MGAM2: variants seen among roughly 807,000 people sequenced by gnomAD.
The protein encoded by MGAM2 is maltase-glucoamylase 2 (putative), also known as probable maltase-glucoamylase 2.
In MGAM2, 98 loss-of-function variants were observed where a neutral mutation model predicts 96.1. That is an observed-to-expected ratio of 1.02 (90% CI 0.87 to 1.21). MGAM2 has a LOEUF of 1.21. Ranked by LOEUF, MGAM2 falls within the 50% of genes most tolerant of loss-of-function variation. The pLI is 0.00. For synonymous variants in MGAM2, 749 were observed against 414.8 expected, an observed-to-expected ratio of 1.81 and a Z score of -9.79; for missense variants, 2,055 against 1,182.4, an observed-to-expected ratio of 1.74 and a Z score of -10.82.
chr7:142,163,185 A>T (rs1795939630), intron 23 of MGAM2, among the ~76,000 whole-genome samples: 1 of 152,230 alleles, frequency 6.6e-6, no homozygotes, highest in Admixed American at 6.5e-5. Flanking sequence ...CTTGATTAAT[A>T]GTATCTGGGA....
intron 46 of MGAM2, among the ~76,000 whole-genome samples, chr7:142,212,514 C>T (rs1425349554): frequency 6.6e-6 from 1 of 151,986 alleles, no homozygotes; most frequent in Non-Finnish European, 1.5e-5. Context: ...GAAGATTTGC[C>T]CATCAAATGG....
intron 22 of MGAM2, 107 bp from the exon 23 acceptor site, chr7:142,161,848 C>A: frequency 1.9e-6 from 1 of 521,198 alleles, no homozygotes; most frequent in Non-Finnish European, 3.4e-6. Flanking sequence ...CTCAGATGAG[C>A]AGAACTAGAT....
chr7:142,200,056 C>T (rs1233452200), intron 45 of MGAM2, 88 bp downstream of exon 45: 1 of 522,766 alleles, frequency 1.9e-6, no homozygotes, highest in South Asian at 3.1e-5. Flanking sequence ...GAACTGAAAA[C>T]CTCTCTCTGC....
At chr7:142,197,314 G>T in intron 40 of MGAM2, 86 bp from the exon 41 acceptor site, 1 of 656,010 alleles carries the variant, frequency 1.5e-6, no homozygotes, top group South Asian at 1.7e-5. Context: ...CCTACATTTT[G>T]AATAAATGCC....
chr7:142,200,094 G>A, intron 45 of MGAM2, 126 bp downstream of exon 45: 1 of 477,100 alleles, frequency 2.1e-6, no homozygotes, highest in South Asian at 4.5e-5. Flanking sequence ...ATAACATTTG[G>A]AGAATTTTTC....
At chr7:142,126,090 A>T (rs1794726439) in intron 3 of MGAM2, among the ~76,000 whole-genome samples, 1 of 152,110 alleles carries the variant, frequency 6.6e-6, no homozygotes, top group Admixed American at 6.5e-5. Flanking sequence ...ATTTGAATTT[A>T]CCACATTATA....
intron 33 of MGAM2, 110 bp downstream of exon 33, chr7:142,183,483 G>A (rs1796601281): frequency 3.2e-6 from 2 of 624,624 alleles, no homozygotes; most frequent in Admixed American, 2.5e-5. Context: ...AATTATGAAT[G>A]AGTAGAAATC....
At chr7:142,171,026 C>T (rs1796167639) in intron 27 of MGAM2, 1 of 530,284 alleles carries the variant, frequency 1.9e-6, no homozygotes, top group Admixed American at 3.0e-5. Context: ...TGAGTTATGG[C>T]CCTTGCCCAC....
chr7:142,134,112 A>G lies in MGAM2; in HGVS notation c.707A>G (p.Lys236Arg). The G allele has an allele frequency of 1.3e-6, 1 of 762,744 alleles. No individual in the cohort carries two copies. 47.2% of individuals were successfully genotyped at this position (762,744 alleles called of 1,614,324 possible). A position where few individuals can be genotyped will look rare whatever the true frequency, so the allele number is the denominator to read the frequency against. Residue 236 changes from lysine (K) to arginine (R), a missense_variant, in exon 7 of 48, where the codon AAG becomes AGG. Coordinates refer to ENST00000477922, the MANE Select transcript of MGAM2 (RefSeq NM_001293626.2). The part of the protein sequence containing the change: ...HQQYRHNMTW[K>R]TWPIFTRDAT... ...CAGTACCGCCACAATATGACCTGGA[A>G]GACTTGGCCCATCTTCACCCGGGAC... is the stretch of plus-strand genomic sequence containing the variant.
intron 23 of MGAM2, among the ~76,000 whole-genome samples, chr7:142,163,024 A>T (rs913772779): frequency 4.6e-5 from 7 of 152,124 alleles, no homozygotes; most frequent in African/African-American, 1.7e-4. Flanking sequence ...AGTGTTCTGT[A>T]AAGAGAACTA....
Position 142,198,616 on chromosome 7 carries a change from G to T in MGAM2, c.4925G>T (p.Gly1642Val). Residue 1642 changes from glycine (G) to valine (V), a missense_variant and splice_region_variant, in exon 44 of 48, where the codon GGA becomes GTA. Physicochemically the swap from Gly to Val is moderately radical, Grantham distance 109. Transcript: ENST00000477922. Reference sequence around the variant, plus strand: ...TTTTGCCTGTATTCTCCTTTCTAGGGAACTAGCAGCACATCAACAGGTCAG... The same window carrying T: ...TTTTGCCTGTATTCTCCTTTCTAGGTAACTAGCAGCACATCAACAGGTCAG... ...PRARWYDYSTGTSSTSTGQRK... is the reference protein window; with the variant it reads ...PRARWYDYSTVTSSTSTGQRK... 1 of 702,556 alleles carries T rather than the reference G, an allele frequency of 1.4e-6. No homozygotes were observed. The highest frequency in any genetic ancestry group is 2.0e-5 in the Admixed American group (1 of 49,974). 43.5% of individuals were successfully genotyped at this position (702,556 alleles called of 1,614,324 possible).
At chr7:142,175,819 C>T (rs1796357426) in intron 32 of MGAM2, 39 bp downstream of exon 32, 1 of 693,382 alleles carries the variant, frequency 1.4e-6, no homozygotes, top group Admixed American at 2.0e-5. Context: ...TTTCTGTTTC[C>T]ATATTCATGG....
At chr7:142,142,836 C>A (rs1795273987) in intron 12 of MGAM2, among the ~76,000 whole-genome samples, 1 of 152,298 alleles carries the variant, frequency 6.6e-6, no homozygotes, top group East Asian at 1.9e-4. Context: ...GCGTGAGCCA[C>A]CATGCCAGTC....
chr7:142,195,837 T>C (rs1413271953), intron 37 of MGAM2, among the ~76,000 whole-genome samples: 2 of 152,176 alleles, frequency 1.3e-5, no homozygotes, highest in African/African-American at 4.8e-5. Flanking sequence ...GTGACCGGTA[T>C]AATACTGGAA....
intron 38 of MGAM2, 135 bp downstream of exon 38, chr7:142,196,422 C>T (rs375809799): frequency 9.2e-6 from 6 of 654,232 alleles, no homozygotes; most frequent in Admixed American, 2.4e-5. Flanking sequence ...TCTCTCTGGG[C>T]GTGGATTTTA....
At chr7:142,146,976 C>T (rs1795407316) in intron 14 of MGAM2, among the ~76,000 whole-genome samples, 2 of 152,152 alleles carry the variant, frequency 1.3e-5, no homozygotes, top group South Asian at 4.1e-4. Context: ...GATCCACCTG[C>T]CTCGGCCTCC....
chr7:142,189,630 C>T (rs1322475543), intron 37 of MGAM2, 125 bp downstream of exon 37: 2 of 481,480 alleles, frequency 4.2e-6, no homozygotes, highest in Non-Finnish European at 7.3e-6. Context: ...AAATTTCAGG[C>T]ACGGTTGCCC....
chr7:142,196,256 T>C lies in MGAM2; in HGVS notation c.4449T>C (p.Ala1483=). The C allele has an allele frequency of 1.2e-6, 1 of 841,318 alleles. No homozygotes were observed. The highest frequency in any genetic ancestry group is 1.7e-5 in the African/African-American group (1 of 59,650). The allele number at this position is 841,318 out of a possible 1,614,324, so 52.1% of individuals were successfully genotyped here. Residue 1483 remains alanine, a synonymous_variant, in exon 38 of 48, where the codon GCT becomes GCC. Transcript: ENST00000477922. ...GACACCGGTTGGGAAACAACACAGC[T>C]GCATGGGACCAGCTGGGGAAATCTA... The part of the protein sequence containing the change: ...WGGHRLGNNT[A]AWDQLGKSII...
rs575325563 is a variant in MGAM2, at chr7:142,192,192, A to C, written c.4346+2687A>C. On this transcript the variant is annotated intron_variant, in intron 37 of 47. Transcript: ENST00000477922. Reference sequence around the variant, plus strand: ...ATCATGTTGCCCCTGGTGTTCCACAATCAGGGGCAACATGGTCTTCCAAAC... The same window carrying C: ...ATCATGTTGCCCCTGGTGTTCCACACTCAGGGGCAACATGGTCTTCCAAAC... Among the ~76,000 whole-genome samples the C allele has an allele frequency of 1.0e-3, 155 of 152,220 alleles. 1 individual carries two copies. Among genetic ancestry groups the C allele is most frequent in the African/African-American group, 3.5e-3 (145 of 41,550 alleles).
Sources: gnomAD v4.1 joint callset for allele counts (sites outside exome capture counted in the v4.1 genomes callset) on GRCh38, gnomAD v4.1.1 for gene constraint, MANE v1.5 for transcripts, NCBI Gene and HGNC (gene_info 2026-07-23, HGNC 2026-07-21) for gene names.